Variants in ASTN2 observed in about 807,000 individuals in gnomAD.
ASTN2 encodes the protein astrotactin 2, also known as astrotactin-2.
In ASTN2, 54 loss-of-function variants were observed where a neutral mutation model predicts 139.8. That is an observed-to-expected ratio of 0.39 (90% CI 0.31 to 0.48). The LOEUF is 0.48. Ranked by LOEUF, ASTN2 falls within the 20% of genes least tolerant of loss-of-function variation. The probability of loss-of-function intolerance (pLI) is 0.95; values close to 1 mark genes in which losing one functional copy is unlikely to be tolerated. For missense variants in ASTN2, 1,565 were observed against 1,725.1 expected, an observed-to-expected ratio of 0.91 and a Z score of 1.64; for synonymous variants, 756 against 719.5, an observed-to-expected ratio of 1.05 and a Z score of -0.81.
At chr9:117,203,423 C>T (rs926456848) in intron 3 of ASTN2, among the ~76,000 whole-genome samples, 1 of 151,948 alleles carries the variant, frequency 6.6e-6, no homozygotes, top group African/African-American at 2.4e-5. Flanking sequence ...GCGCTCTGCT[C>T]TTTTGGGTTT....
intron 20 of ASTN2, among the ~76,000 whole-genome samples, chr9:116,483,615 A>T (rs1849243333): frequency 6.6e-6 from 1 of 152,244 alleles, no homozygotes; most frequent in South Asian, 2.1e-4. Flanking sequence ...AAAGACAGGA[A>T]GTCATATAGA....
chr9:117,320,801 C>A (rs1828302323), intron 1 of ASTN2, among the ~76,000 whole-genome samples: 1 of 152,176 alleles, frequency 6.6e-6, no homozygotes, highest in African/African-American at 2.4e-5. Flanking sequence ...GTAACTGCCA[C>A]CCCCACCTGA....
intron 1 of ASTN2, among the ~76,000 whole-genome samples, chr9:117,395,800 T>C (rs1287784826): frequency 6.6e-6 from 1 of 152,206 alleles, no homozygotes; most frequent in East Asian, 1.9e-4. Context: ...AAAAAGGACT[T>C]GAAAGAGAAT....
chr9:117,336,831 G>A (rs1294641934), intron 1 of ASTN2, among the ~76,000 whole-genome samples: 1 of 152,044 alleles, frequency 6.6e-6, no homozygotes, highest in Admixed American at 6.6e-5. Context: ...GTCCTCAAAA[G>A]GTCCAGCACT....
intron 22 of ASTN2, among the ~76,000 whole-genome samples, chr9:116,436,459 A>G (rs957233756): frequency 1.6e-4 from 25 of 152,160 alleles, no homozygotes; most frequent in African/African-American, 5.8e-4. Context: ...CTCAACAACT[A>G]ATTATTTAGC....
chr9:117,020,002 C>CTGTGTGTGTGTGTG (rs57575432), intron 6 of ASTN2, among the ~76,000 whole-genome samples: 4 of 140,808 alleles, frequency 2.8e-5, no homozygotes, highest in Admixed American at 1.4e-4. Context: ...TTCAGGGTTT[C>CTGTGTGTGTGTGTG]TGTGTGTGTG....
At chr9:116,508,649 C>T (rs1169075070) in intron 19 of ASTN2, among the ~76,000 whole-genome samples, 2 of 152,196 alleles carry the variant, frequency 1.3e-5, no homozygotes, top group Admixed American at 1.3e-4. Context: ...TTTAGTTTTG[C>T]CTTATAGATG....
At chr9:116,535,219 T>C (rs552485723) in intron 19 of ASTN2, among the ~76,000 whole-genome samples, 3 of 152,174 alleles carry the variant, frequency 2.0e-5, no homozygotes, top group South Asian at 2.1e-4. Flanking sequence ...GCTTGGTAGA[T>C]CTTCCTCCAT....
chr9:116,559,866 T>C (rs1182427724), intron 19 of ASTN2, among the ~76,000 whole-genome samples: 3 of 152,196 alleles, frequency 2.0e-5, no homozygotes, highest in Non-Finnish European at 2.9e-5. Context: ...GAACTATTAA[T>C]ATGAGCCAGG....
chr9:116,903,016 T>G (rs1834061051), intron 10 of ASTN2, among the ~76,000 whole-genome samples: 1 of 152,226 alleles, frequency 6.6e-6, no homozygotes, highest in Admixed American at 6.5e-5. Flanking sequence ...AGGGATTTTC[T>G]GCCTCAGGGC....
chr9:117,329,534 T>C (rs1161865204), intron 1 of ASTN2, among the ~76,000 whole-genome samples: 3 of 151,982 alleles, frequency 2.0e-5, no homozygotes, highest in African/African-American at 4.8e-5. Flanking sequence ...CTGGCACTGG[T>C]GGGTGAAGAT....
chr9:116,747,413 G>A (rs1829271996), intron 13 of ASTN2, among the ~76,000 whole-genome samples: 2 of 152,198 alleles, frequency 1.3e-5, no homozygotes, highest in South Asian at 4.1e-4. Context: ...CTGGTTGAAT[G>A]TCTTAGATGG....
rs113823470 is a variant in ASTN2, at chr9:117,244,571, A to G, written c.631-29829T>C. Among the ~76,000 whole-genome samples, 312 of 101,852 alleles carry G rather than the reference A, an allele frequency of 3.1e-3. 2 individuals are homozygous for G. Among genetic ancestry groups the G allele is most frequent in the Middle Eastern group, 0.011 (2 of 190 alleles). 66.8% of individuals were successfully genotyped at this position (101,852 alleles called of 152,430 possible). Reference sequence around the variant, plus strand: ...TAGGACAGTGGGGAAGGAAGGAAGGAAGGGAGGGAGGGAGGGAGGGAGGGA... The same window carrying G: ...TAGGACAGTGGGGAAGGAAGGAAGGGAGGGAGGGAGGGAGGGAGGGAGGGA... On this transcript the variant is annotated intron_variant, in intron 2 of 22. Coordinates refer to ENST00000313400, the MANE Select transcript of ASTN2 (RefSeq NM_001365068.1).
intron 10 of ASTN2, among the ~76,000 whole-genome samples, chr9:116,901,766 T>C (rs1210267459): frequency 1.3e-5 from 2 of 152,234 alleles, no homozygotes; most frequent in Admixed American, 6.5e-5. Flanking sequence ...CCAGGCACGG[T>C]GGCTCACGCC....
At chr9:117,219,002 C>T (rs923927020) in intron 2 of ASTN2, among the ~76,000 whole-genome samples, 1 of 152,158 alleles carries the variant, frequency 6.6e-6, no homozygotes, top group South Asian at 2.1e-4. Flanking sequence ...ATTCATGGTA[C>T]CCCCTATAGG....
intron 16 of ASTN2, among the ~76,000 whole-genome samples, chr9:116,672,958 C>G (rs960430709): frequency 6.6e-6 from 1 of 152,154 alleles, no homozygotes; most frequent in Non-Finnish European, 1.5e-5. Flanking sequence ...AAATGTTTTA[C>G]AACCAATTGA....
intron 3 of ASTN2, among the ~76,000 whole-genome samples, chr9:117,211,974 T>C (rs1203749761): frequency 6.6e-6 from 1 of 151,888 alleles, no homozygotes; most frequent in Non-Finnish European, 1.5e-5. Context: ...AAATTGGAAG[T>C]ATCACACTTT....
chr9:117,308,150 T>C (rs1835049521), intron 1 of ASTN2, among the ~76,000 whole-genome samples: 1 of 152,210 alleles, frequency 6.6e-6, no homozygotes, highest in Admixed American at 6.5e-5. Context: ...GGACTCTGGC[T>C]TCCACACACC....
At chr9:116,802,457 T>C (rs904276302) in intron 13 of ASTN2, among the ~76,000 whole-genome samples, 1 of 152,286 alleles carries the variant, frequency 6.6e-6, no homozygotes, top group Non-Finnish European at 1.5e-5. Context: ...TCAGGAGAAC[T>C]GAGAACGTGG....
Sources: allele counts gnomAD v4.1 joint callset (sites outside exome capture counted in the v4.1 genomes callset), GRCh38; gene constraint gnomAD v4.1.1; transcripts MANE v1.5; gene names NCBI Gene and HGNC (gene_info 2026-07-23, HGNC 2026-07-21).